The following SLC13A3 variants were observed in gnomAD, a reference collection of about 807,000 sequenced individuals.
SLC13A3 encodes Na(+)/dicarboxylate cotransporter 3.
SLC13A3 carries 40 observed loss-of-function variants against 59.0 expected under a neutral mutation model. The observed-to-expected ratio is 0.68, with a 90% CI of 0.53 to 0.88. The LOEUF (loss-of-function observed/expected upper bound fraction) is 0.88, where lower values mean the gene tolerates loss of function less well. SLC13A3 is among the 40% of genes least tolerant of loss of function. The pLI, the probability that SLC13A3 is intolerant of heterozygous loss-of-function variation, is 0.00. For missense variants in SLC13A3, 699 were observed against 783.2 expected (o/e 0.89, Z 1.28); for synonymous variants, 317 against 330.3 (o/e 0.96, Z 0.44).
intron 8 of SLC13A3, among the ~76,000 whole-genome samples, chr20:46,586,494 A>G (rs1330041655): frequency 1.3e-5 from 2 of 152,166 alleles, no homozygotes; most frequent in African/African-American, 4.8e-5. Context: ...TTAACTCCCA[A>G]ATTTATACAA....
At chr20:46,642,536 A>G (rs964743438) in intron 1 of SLC13A3, among the ~76,000 whole-genome samples, 2 of 152,164 alleles carry the variant, frequency 1.3e-5, no homozygotes, top group Non-Finnish European at 2.9e-5. Context: ...GGAAGTCTGC[A>G]TCTAGAGTTG....
intron 9 of SLC13A3, among the ~76,000 whole-genome samples, chr20:46,580,466 A>C (rs1391227497): frequency 6.7e-6 from 1 of 148,364 alleles, no homozygotes. Flanking sequence ...TATAATATAT[A>C]AAATAGATTA....
At chr20:46,576,285 G>A (rs974028797) in intron 9 of SLC13A3, among the ~76,000 whole-genome samples, 3 of 152,122 alleles carry the variant, frequency 2.0e-5, no homozygotes, top group Non-Finnish European at 4.4e-5. Context: ...ATACCTAAAC[G>A]TGTGGGCATG....
chr20:46,659,184 G>T (rs940883176), intron 1 of SLC13A3, among the ~76,000 whole-genome samples: 1 of 151,986 alleles, frequency 6.6e-6, no homozygotes, highest in Non-Finnish European at 1.5e-5. Flanking sequence ...GGATTTAAGT[G>T]TCTTATTTTG....
At chr20:46,670,191 G>A (rs975051054), upstream of SLC13A3, 6 of 152,348 alleles carry the variant, frequency 3.9e-5, no homozygotes, top group Middle Eastern at 3.4e-3. Flanking sequence ...CCTACAGTTG[G>A]TGTATCTATA....
intron 10 of SLC13A3, among the ~76,000 whole-genome samples, chr20:46,570,914 G>T (rs1019294851): frequency 1.3e-5 from 2 of 151,934 alleles, no homozygotes; most frequent in Non-Finnish European, 2.9e-5. Context: ...GTCCATTCTC[G>T]CTCTGCTAAT....
chr20:46,595,321 CTCTTT>C (rs1465914192), intron 5 of SLC13A3, among the ~76,000 whole-genome samples: 3 of 152,118 alleles, frequency 2.0e-5, no homozygotes, highest in East Asian at 1.9e-4. Context: ...TTTCTCTTTT[CTCTTT>C]TCTTTTCTTT....
At chr20:46,639,374 G>T (rs915367832) in intron 1 of SLC13A3, among the ~76,000 whole-genome samples, 18 of 152,096 alleles carry the variant, frequency 1.2e-4, no homozygotes, top group Non-Finnish European at 2.6e-4. Flanking sequence ...AGGCAGAATT[G>T]CTTAAACCTG....
chr20:46,611,990 A>G (rs1001736394), intron 2 of SLC13A3, among the ~76,000 whole-genome samples: 1 of 152,038 alleles, frequency 6.6e-6, no homozygotes, highest in Non-Finnish European at 1.5e-5. Flanking sequence ...TCAGGGATAA[A>G]CAGGCAACAA....
intron 2 of SLC13A3, among the ~76,000 whole-genome samples, chr20:46,612,782 C>A (rs2062512515): frequency 6.6e-6 from 1 of 152,088 alleles, no homozygotes; most frequent in Non-Finnish European, 1.5e-5. Context: ...TAAAGGCCAC[C>A]CAATTCTCTA....
chr20:46,609,096 T>C, intron 3 of SLC13A3: 1 of 1,543,866 alleles, frequency 6.5e-7, no homozygotes, highest in Non-Finnish European at 8.7e-7. Flanking sequence ...GGGGTTAAAC[T>C]AGCCATTTCT....
chr20:46,677,067 T>A (rs1043137662), intron 1 of SLC13A3, among the ~76,000 whole-genome samples: 1 of 152,050 alleles, frequency 6.6e-6, no homozygotes, highest in Non-Finnish European at 1.5e-5. Flanking sequence ...GCGCCCACCA[T>A]CATGCCTGGC....
At chr20:46,568,553 A>G (rs847068) in intron 10 of SLC13A3, among the ~76,000 whole-genome samples, 133,096 of 152,106 alleles carry the variant, frequency 0.88, 58,495 homozygotes, top group East Asian at 0.99. Flanking sequence ...AAGAGTCCTC[A>G]TGAAACTAAG....
In SLC13A3 at chr20:46,648,480, G is replaced by A. The variant is rs553350029; in HGVS notation, c.111+2831C>T. Among the ~76,000 whole-genome samples the A allele has an allele frequency of 1.3e-4, 20 of 152,234 alleles. No homozygotes were observed. In the East Asian group the frequency reaches 3.7e-3, roughly 28 times the overall value. ...TCCAAAGAGCCAGGCCTGCCTCCTG[G>A]GAGGAGGCCCTGGTTCATCAACCAC... On this transcript the variant is annotated intron_variant, in intron 1 of 12. Transcript: ENST00000279027.
At chr20:46,620,415 G>A (rs2062602904) in intron 1 of SLC13A3, among the ~76,000 whole-genome samples, 1 of 152,186 alleles carries the variant, frequency 6.6e-6, no homozygotes, top group South Asian at 2.1e-4. Context: ...AATCTAGTTT[G>A]AGGCACTAAA....
chr20:46,647,631 G>A (rs2062908040), intron 1 of SLC13A3, among the ~76,000 whole-genome samples: 1 of 152,154 alleles, frequency 6.6e-6, no homozygotes, highest in Non-Finnish European at 1.5e-5. Context: ...TTTCATCCCT[G>A]CTGACAGCAT....
chr20:46,599,714 T>A (rs913850431), intron 4 of SLC13A3, among the ~76,000 whole-genome samples: 1 of 152,202 alleles, frequency 6.6e-6, no homozygotes, highest in African/African-American at 2.4e-5. Flanking sequence ...AAGAGGAAAG[T>A]ACCTGTGATC....
At chr20:46,596,057 A>G in intron 5 of SLC13A3, 100 bp downstream of exon 5, 4 of 1,125,876 alleles carry the variant, frequency 3.6e-6, no homozygotes, top group Non-Finnish European at 3.8e-6. Context: ...AGCCTGGCCC[A>G]GAGAAGGCCC....
intron 1 of SLC13A3, among the ~76,000 whole-genome samples, chr20:46,618,677 C>T (rs573631754): frequency 6.6e-6 from 1 of 152,336 alleles, no homozygotes; most frequent in African/African-American, 2.4e-5. Flanking sequence ...TCTGCCAGTG[C>T]CTTGATCTTG....
Sources: allele counts gnomAD v4.1 joint callset (sites outside exome capture counted in the v4.1 genomes callset), GRCh38; gene constraint gnomAD v4.1.1; transcripts MANE v1.5; gene names NCBI Gene and HGNC (gene_info 2026-07-23, HGNC 2026-07-21).